LYRM7: variants seen among roughly 807,000 people sequenced by gnomAD.
LYRM7 encodes the protein LYR motif containing 7.
Under a neutral mutation model 15.8 loss-of-function variants are expected in LYRM7, and 9 were observed. The ratio of observed to expected loss-of-function variants is 0.57; its 90% CI spans 0.34 to 0.99. The LOEUF (loss-of-function observed/expected upper bound fraction) is 0.99. Ranked by LOEUF, LYRM7 falls within the 50% of genes least tolerant of loss-of-function variation. The pLI is 0.02. For missense variants in LYRM7, 115 were observed against 119.1 expected (o/e 0.97, Z 0.16); for synonymous variants, 39 against 39.4 (o/e 0.99, Z 0.04).
intron 1 of LYRM7, among the ~76,000 whole-genome samples, chr5:131,175,459 A>C (rs1348467261): frequency 6.6e-6 from 1 of 152,046 alleles, no homozygotes; most frequent in African/African-American, 2.4e-5. Flanking sequence ...TTGACCTCCC[A>C]AAGTGCTAGG....
At chr5:131,190,352 C>T (rs1755866045) in intron 4 of LYRM7, among the ~76,000 whole-genome samples, 1 of 151,912 alleles carries the variant, frequency 6.6e-6, no homozygotes, top group Admixed American at 6.6e-5. Context: ...TGTACCGCCA[C>T]ACCCAGCTAA....
intron 4 of LYRM7, 117 bp downstream of exon 4, chr5:131,187,226 A>T: frequency 1.8e-6 from 1 of 565,616 alleles, no homozygotes; most frequent in Non-Finnish European, 3.2e-6. Context: ...ACAATATGGT[A>T]TATAGCATAT....
chr5:131,181,296 A>ATATATATATATATATAT (rs1311167816), intron 2 of LYRM7, among the ~76,000 whole-genome samples: 1 of 14,458 alleles, frequency 6.9e-5, no homozygotes, highest in African/African-American at 1.7e-4. Flanking sequence ...AAAAAAAAAA[A>ATATATATATATATATAT]AAAAAAATAT....
At chr5:131,191,461 C>T (rs1310757517) in intron 4 of LYRM7, among the ~76,000 whole-genome samples, 1 of 151,970 alleles carries the variant, frequency 6.6e-6, no homozygotes, top group Non-Finnish European at 1.5e-5. Flanking sequence ...ACCTTGTATG[C>T]GTGAATTCTA....
At chr5:131,181,451 TAA>T (rs564533774) in intron 2 of LYRM7, among the ~76,000 whole-genome samples, 1 of 126,274 alleles carries the variant, frequency 7.9e-6, no homozygotes, top group Non-Finnish European at 1.6e-5. Flanking sequence ...TATATATATA[TAA>T]AACATATATA....
chr5:131,197,050 C>G (rs572084668), intron 4 of LYRM7, among the ~76,000 whole-genome samples: 1 of 152,288 alleles, frequency 6.6e-6, no homozygotes, highest in South Asian at 2.1e-4. Flanking sequence ...TGAACATACT[C>G]TAAAGTGATA....
At chr5:131,181,456 CAT>C (rs199684946) in intron 2 of LYRM7, among the ~76,000 whole-genome samples, 5,697 of 117,948 alleles carry the variant, frequency 0.048, 770 homozygotes, top group African/African-American at 0.17. Context: ...ATATATAAAA[CAT>C]ATATATGTAT....
At position 131,199,752 on chromosome 5, in the gene LYRM7, A is replaced by G; in HGVS notation, c.*151A>G. On this transcript the variant is annotated 3_prime_UTR_variant, in exon 5 of 5. Coordinates refer to ENST00000379380, the MANE Select transcript of LYRM7 (RefSeq NM_181705.4). ...CTTCATATTTAAATTTCATGTTAAA[A>G]GGTCATTACTGAGAACTAAAGAACA... 2.2e-6 allele frequency: 1 copy of G among 463,648 alleles called. No homozygotes were observed. The highest frequency in any genetic ancestry group is 3.9e-6 in the Non-Finnish European group (1 of 257,302). 28.7% of individuals were successfully genotyped at this position (463,648 alleles called of 1,614,324 possible). A position where few individuals can be genotyped will look rare whatever the true frequency, so the allele number is the denominator to read the frequency against.
In LYRM7 at chr5:131,181,453, A is replaced by T. The variant is rs576959772; in HGVS notation, c.92-776A>T. On this transcript the variant is annotated intron_variant, in intron 2 of 4. Coordinates refer to ENST00000379380, the MANE Select transcript of LYRM7 (RefSeq NM_181705.4). Reference sequence around the variant, plus strand: ...TAACATATATATGTATATATATATAAAACATATATATGTATATATATATAA... The same window carrying T: ...TAACATATATATGTATATATATATATAACATATATATGTATATATATATAA... Among the ~76,000 whole-genome samples, 374 of 124,006 alleles carry T rather than the reference A, an allele frequency of 3.0e-3. 3 individuals carry two copies. Among genetic ancestry groups the T allele is most frequent in the Non-Finnish European group, 4.6e-3 (291 of 63,358 alleles). 81.4% of individuals were successfully genotyped at this position (124,006 alleles called of 152,430 possible). A position where few individuals can be genotyped will look rare whatever the true frequency, so the allele number is the denominator to read the frequency against.
chr5:131,175,244 G>T (rs1755582870), intron 1 of LYRM7, among the ~76,000 whole-genome samples: 2 of 145,826 alleles, frequency 1.4e-5, no homozygotes, highest in South Asian at 4.3e-4. Flanking sequence ...TTGTTGGCCA[G>T]GGCAGAGTGC....
intron 1 of LYRM7, among the ~76,000 whole-genome samples, chr5:131,174,105 C>T (rs1475310219): frequency 7.9e-5 from 12 of 152,222 alleles, no homozygotes. Flanking sequence ...CAACTGAGTT[C>T]ATATAATATT....
At chr5:131,189,451 A>C in intron 4 of LYRM7, among the ~76,000 whole-genome samples, 1 of 128,848 alleles carries the variant, frequency 7.8e-6, no homozygotes. Flanking sequence ...TCCCAAAAAA[A>C]AAAAAAAAAA....
chr5:131,189,241 AG>A (rs926301038), intron 4 of LYRM7, among the ~76,000 whole-genome samples: 7 of 151,648 alleles, frequency 4.6e-5, no homozygotes, highest in African/African-American at 1.7e-4. Context: ...CAGGAGATCG[AG>A]ACCATCCTGG....
Position 131,202,623 on chromosome 5 carries a change from T to G in LYRM7, c.*3022T>G, listed in dbSNP as rs1448617490. Reference sequence around the variant, plus strand: ...AATTTCTGACCTCAAGCAATCATCCTGCCTCAGCCTCCTAAGTAGCTAGGA... The same window carrying G: ...AATTTCTGACCTCAAGCAATCATCCGGCCTCAGCCTCCTAAGTAGCTAGGA... On this transcript the variant is annotated 3_prime_UTR_variant, in exon 5 of 5. Transcript: ENST00000379380. 1 of 152,592 alleles carries G rather than the reference T, an allele frequency of 6.6e-6. No homozygotes were observed. Among genetic ancestry groups the G allele is most frequent in the East Asian group, 1.9e-4 (1 of 5,204 alleles). 9.5% of individuals were successfully genotyped at this position (152,592 alleles called of 1,614,324 possible).
In LYRM7 at chr5:131,189,413, A is replaced by G. The variant is rs532924019; in HGVS notation, c.244+2304A>G. 1.1e-3 allele frequency among the ~76,000 whole-genome samples: 135 copies of G among 128,122 alleles called. 2 individuals are homozygous for G. The highest frequency in any genetic ancestry group is 4.1e-3 in the African/African-American group (133 of 32,830). The allele number at this position is 128,122 out of a possible 152,430, so 84.1% of individuals were successfully genotyped here. ...AGTCAAGATCGAGCCACTGCCCTGC[A>G]GCCTGGGCAACAGAGCAAGACTCCG... is the stretch of plus-strand genomic sequence containing the variant. On this transcript the variant is annotated intron_variant, in intron 4 of 4. Coordinates refer to ENST00000379380, the MANE Select transcript of LYRM7 (RefSeq NM_181705.4).
chr5:131,191,954 T>C (rs1460838249), intron 4 of LYRM7, among the ~76,000 whole-genome samples: 4 of 151,962 alleles, frequency 2.6e-5, no homozygotes, highest in Non-Finnish European at 5.9e-5. Flanking sequence ...CATGTTTATC[T>C]TGGCACTATT....
At position 131,182,213 on chromosome 5, in the gene LYRM7, A is replaced by G. The variant is rs558428692; in HGVS notation, c.92-16A>G. 5.0e-6 allele frequency: 7 copies of G among 1,408,444 alleles called. No homozygotes were observed. Among genetic ancestry groups the G allele is most frequent in the Admixed American group, 2.4e-5 (1 of 42,466 alleles). 87.2% of individuals were successfully genotyped at this position (1,408,444 alleles called of 1,614,324 possible). A position where few individuals can be genotyped will look rare whatever the true frequency, so the allele number is the denominator to read the frequency against. On this transcript the variant is annotated splice_polypyrimidine_tract_variant and intron_variant, in intron 2 of 4. Transcript: ENST00000379380. ...ATTACAAAAGCGAATAACTATATGT[A>G]TTTTTCTCTTTGTAGCAGCCAGAAT...
Position 131,189,341 on chromosome 5 carries a change from G to A in LYRM7, c.244+2232G>A, listed in dbSNP as rs935107662. Among the ~76,000 whole-genome samples the A allele has an allele frequency of 4.0e-5, 6 of 149,550 alleles. No homozygotes were observed. The East Asian group carries it at 7.9e-4, about 20-fold the overall frequency. On this transcript the variant is annotated intron_variant, in intron 4 of 4. Transcript: ENST00000379380. ...ACCTATGGTCCCAGCTATTCTGGAG[G>A]CTGAGGCAGGAGAATGGCATGAACC...
intron 4 of LYRM7, among the ~76,000 whole-genome samples, chr5:131,199,005 CT>C (rs1561550007): frequency 6.6e-6 from 1 of 152,196 alleles, no homozygotes; most frequent in Admixed American, 6.5e-5. Context: ...CAGTTCTTCA[CT>C]ATGCCAGACT....
Sources: gnomAD v4.1 joint callset for allele counts (sites outside exome capture counted in the v4.1 genomes callset) on GRCh38, gnomAD v4.1.1 for gene constraint, MANE v1.5 for transcripts, NCBI Gene and HGNC (gene_info 2026-07-23, HGNC 2026-07-21) for gene names.